The following SAP130 variants were observed in gnomAD, a reference collection of about 807,000 sequenced individuals.
SAP130 encodes Sin3A associated protein 130.
SAP130 carries 16 observed loss-of-function variants against 103.2 expected under a neutral mutation model. The ratio of observed to expected loss-of-function variants is 0.16; its 90% confidence interval spans 0.10 to 0.24. The LOEUF is 0.24. SAP130 is among the 10% of genes least tolerant of loss of function. The probability of loss-of-function intolerance (pLI) is 1.00; values close to 1 mark genes in which losing one functional copy is unlikely to be tolerated. For missense variants in SAP130, 990 were observed against 1,359.7 expected, an observed-to-expected ratio of 0.73 and a Z score of 4.28; for synonymous variants, 477 against 497.0, an observed-to-expected ratio of 0.96 and a Z score of 0.53.
At chr2:127,971,521 T>A (rs966646016) in intron 15 of SAP130, among the ~76,000 whole-genome samples, 7 of 152,108 alleles carry the variant, frequency 4.6e-5, no homozygotes, top group Admixed American at 3.9e-4. Flanking sequence ...TCTCCTGACC[T>A]CGTGATCTAC....
At chr2:128,016,629 T>A in intron 3 of SAP130, 82 bp from the exon 4 acceptor site, 1 of 1,457,758 alleles carries the variant, frequency 6.9e-7, no homozygotes, top group Non-Finnish European at 9.2e-7. Context: ...AGTGCACAAA[T>A]CGAACCTGGA....
intron 2 of SAP130, among the ~76,000 whole-genome samples, chr2:128,024,536 A>G (rs541325677): frequency 2.1e-4 from 32 of 152,078 alleles, no homozygotes; most frequent in Admixed American, 2.0e-3. Flanking sequence ...CAACATTGTG[A>G]GATCCCCTCT....
At chr2:128,023,897 G>C (rs1347116938) in intron 2 of SAP130, among the ~76,000 whole-genome samples, 1 of 149,662 alleles carries the variant, frequency 6.7e-6, no homozygotes, top group Non-Finnish European at 1.5e-5. Flanking sequence ...ATGGAAGATA[G>C]AGTCTTCTGT....
chr2:128,027,021 C>T (rs1357792293), intron 1 of SAP130: 2 of 1,306,986 alleles, frequency 1.5e-6, no homozygotes, highest in Non-Finnish European at 1.0e-6. Flanking sequence ...GTGAGACCCC[C>T]GTCTCCGGGG....
intron 15 of SAP130, among the ~76,000 whole-genome samples, chr2:127,959,764 G>A (rs942885232): frequency 1.3e-5 from 2 of 152,138 alleles, no homozygotes; most frequent in East Asian, 1.9e-4. Flanking sequence ...TCATAAATAT[G>A]TGTTAATATG....
intron 15 of SAP130, among the ~76,000 whole-genome samples, chr2:127,974,695 C>G (rs1681329837): frequency 6.6e-6 from 1 of 152,114 alleles, no homozygotes. Flanking sequence ...TGCCTGTAAT[C>G]CCAGCTACTC....
intron 15 of SAP130, among the ~76,000 whole-genome samples, chr2:127,960,484 T>C (rs1680162584): frequency 1.3e-5 from 2 of 152,222 alleles, no homozygotes; most frequent in Admixed American, 1.3e-4. Flanking sequence ...AGTTTGAAGA[T>C]GAACTAGTGA....
At chr2:127,958,635 TGAGAGA>T (rs372337440) in intron 15 of SAP130, among the ~76,000 whole-genome samples, 7,205 of 127,552 alleles carry the variant, frequency 0.056, 287 homozygotes, top group South Asian at 0.1. Flanking sequence ...GTGAGACAGA[TGAGAGA>T]GAGAGAGAGA....
intron 2 of SAP130, 151 bp downstream of exon 2, chr2:128,026,030 T>G: frequency 1.7e-6 from 1 of 600,656 alleles, no homozygotes; most frequent in Non-Finnish European, 3.0e-6. Flanking sequence ...AAAAAAAGCC[T>G]TGTTTAAATT....
At chr2:128,012,944 A>T in intron 6 of SAP130, 86 bp downstream of exon 6, 1 of 1,298,544 alleles carries the variant, frequency 7.7e-7, no homozygotes, top group South Asian at 2.1e-5. Flanking sequence ...CTAGATGGAA[A>T]GTCCCTGAGG....
chr2:127,964,785 C>T (rs945656434), intron 15 of SAP130, among the ~76,000 whole-genome samples: 127 of 151,690 alleles, frequency 8.4e-4, no homozygotes, highest in African/African-American at 2.9e-3. Flanking sequence ...TCACCTGAGG[C>T]CAGAAGTTCG....
rs1178021004 is a variant in SAP130, at chr2:127,955,859, C to T, written c.2064-515G>A. ...ATGGAAATCAGGTTTTAAAGATATA[C>T]TGTATGTCCTGCTCCCAAGTTTTTA... On this transcript the variant is annotated intron_variant, in intron 15 of 20. Transcript: ENST00000643581. This position sits in a 1 kb window ranked among gnomAD's most constrained non-coding sequence, Gnocchi z 4.9. Among the ~76,000 whole-genome samples the T allele has an allele frequency of 6.6e-6, 1 of 152,152 alleles. No homozygotes were observed. The highest frequency in any genetic ancestry group is 1.5e-5 in the Non-Finnish European group (1 of 68,016).
At chr2:127,973,187 C>CA (rs1350266586) in intron 15 of SAP130, among the ~76,000 whole-genome samples, 1 of 152,206 alleles carries the variant, frequency 6.6e-6, no homozygotes, top group African/African-American at 2.4e-5. Context: ...AAATCTCTAT[C>CA]ACCAGCACGG....
chr2:127,941,806 C>T lies in SAP130; in HGVS notation c.*200G>A, dbSNP rs75756949. ...CAGGTTTAACAGGGGTGCACCCGAA[C>T]GCAAGAAGGCAGCTCACTATGTCCA... On this transcript the variant is annotated 3_prime_UTR_variant, in exon 21 of 21. Coordinates refer to ENST00000643581, the MANE Select transcript of SAP130 (RefSeq NM_001330301.2). 23 of 568,986 alleles carry T rather than the reference C, an allele frequency of 4.0e-5. No individual in the cohort carries two copies. Among genetic ancestry groups the T allele is most frequent in the Admixed American group, 7.1e-5 (2 of 27,982 alleles). The allele number at this position is 568,986 out of a possible 1,614,324, so 35.2% of individuals were successfully genotyped here.
intron 19 of SAP130, among the ~76,000 whole-genome samples, chr2:127,944,901 C>CAAAAAAA (rs1188253573): frequency 2.6e-5 from 2 of 77,530 alleles, no homozygotes; most frequent in African/African-American, 1.0e-4. Context: ...GACCTTGTCT[C>CAAAAAAA]AAAAAAAAAA....
At chr2:127,981,782 C>T (rs1192446672) in intron 14 of SAP130, among the ~76,000 whole-genome samples, 1 of 142,544 alleles carries the variant, frequency 7.0e-6, no homozygotes, top group Admixed American at 7.0e-5. Flanking sequence ...TCCCCTACCC[C>T]GACCCAGTCC....
intron 18 of SAP130, among the ~76,000 whole-genome samples, chr2:127,946,201 G>C (rs955380348): frequency 6.6e-6 from 1 of 152,170 alleles, no homozygotes. Flanking sequence ...AAGGAAGTGA[G>C]TCCATTTGCA....
chr2:128,026,410 T>G, intron 1 of SAP130, 112 bp from the exon 2 acceptor site: 2 of 681,676 alleles, frequency 2.9e-6, no homozygotes, highest in Non-Finnish European at 5.2e-6. Context: ...AAGCAAATGC[T>G]GCATCATTTA....
rs1678766270 is a variant in SAP130 at position 127,942,318 on chromosome 2, T to C, written c.3015+106A>G. 1 of 1,087,532 alleles carries C rather than the reference T, an allele frequency of 9.2e-7. No individual in the cohort carries two copies. The highest frequency in any genetic ancestry group is 1.4e-6 in the Non-Finnish European group (1 of 723,934). 67.4% of individuals were successfully genotyped at this position (1,087,532 alleles called of 1,614,324 possible). ...AGGAGTGCAGGCTGAAGCACGTATG[T>C]TTTTACTGAAGATATGAGGGAGACG... On this transcript the variant is annotated intron_variant, in intron 20 of 20. Coordinates refer to ENST00000643581, the MANE Select transcript of SAP130 (RefSeq NM_001330301.2). This position sits in a 1 kb window ranked among gnomAD's most constrained non-coding sequence, Gnocchi z 4.8.
Sources: allele counts gnomAD v4.1 joint callset (sites outside exome capture counted in the v4.1 genomes callset), GRCh38; gene constraint gnomAD v4.1.1; non-coding constraint Gnocchi (gnomAD v3.1); transcripts MANE v1.5; gene names NCBI Gene and HGNC (gene_info 2026-07-23, HGNC 2026-07-21).